Variants in USP5 observed in about 807,000 individuals in gnomAD.
USP5 encodes the protein ubiquitin carboxyl-terminal hydrolase 5.
USP5 carries 24 observed loss-of-function variants against 102.5 expected under a neutral mutation model. That is an observed-to-expected ratio of 0.23 (90% CI 0.17 to 0.33). The LOEUF is 0.33. Among genes scored for constraint, USP5 ranks in the 10% least tolerant of loss-of-function variants. The pLI is 1.00. For synonymous variants in USP5, 460 were observed against 434.8 expected, an observed-to-expected ratio of 1.06 and a Z score of -0.72; for missense variants, 753 against 1,122.1, an observed-to-expected ratio of 0.67 and a Z score of 4.70.
chr12:6,865,640 C>T (rs141573257), intron 19 of USP5, among the ~76,000 whole-genome samples: 5 of 152,280 alleles, frequency 3.3e-5, no homozygotes, highest in East Asian at 1.9e-4. Flanking sequence ...CCTGTTTTCA[C>T]GCTGCGGCAG....
In USP5 at chr12:6,866,050, C is replaced by A; in HGVS notation, c.2550C>A (p.Ile850=). The change falls in exon 20 of 20, where the codon ATC becomes ATA. Residue 850 remains isoleucine (I), a synonymous_variant. Transcript: ENST00000229268. This position sits in a 1 kb window ranked among gnomAD's most constrained non-coding sequence, Gnocchi z 4.7. ...SEKPPKDLGY[I]YFYQRVAS is the part of the protein sequence containing the mutation. ...AGCCGCCCAAGGACCTGGGCTACATCTACTTCTACCAGAGAGTGGCCAGCT... is the reference window on the plus strand; with the variant it reads ...AGCCGCCCAAGGACCTGGGCTACATATACTTCTACCAGAGAGTGGCCAGCT... The A allele has an allele frequency of 6.2e-7, 1 of 1,614,138 alleles. No individual in the cohort carries two copies. Among genetic ancestry groups the A allele is most frequent in the South Asian group, 1.1e-5 (1 of 91,074 alleles).
In USP5 at chr12:6,860,796, G is replaced by A. The variant is rs868912857; in HGVS notation, c.1345-157G>A. Among the ~76,000 whole-genome samples, 8 of 152,220 alleles carry A rather than the reference G, an allele frequency of 5.3e-5. No individual in the cohort carries two copies. The highest frequency in any genetic ancestry group is 9.6e-5 in the African/African-American group (4 of 41,456). Reference sequence around the variant, plus strand: ...GTGCAGGGATGGGGCCAGAAATGGGGAGGGGTTGGTGAATTAGGGAAGGTT... The same window carrying A: ...GTGCAGGGATGGGGCCAGAAATGGGAAGGGGTTGGTGAATTAGGGAAGGTT... On this transcript the variant is annotated intron_variant, in intron 11 of 19. Transcript: ENST00000229268. The surrounding 1 kb of genome is among the most constrained non-coding windows in gnomAD (Gnocchi z 5.5).
chr12:6,863,424 G>A lies in USP5; in HGVS notation c.1954+47G>A. The A allele has an allele frequency of 1.3e-6, 2 of 1,573,680 alleles. No individual in the cohort carries two copies. Among genetic ancestry groups the A allele is most frequent in the Non-Finnish European group, 8.7e-7 (1 of 1,153,676 alleles). ...CTGTCTCTCTCCCGTGCTGATGGGG[G>A]CCTCTCTGCCTTGCATCCCCTGCCC... is the stretch of plus-strand genomic sequence containing the variant. On this transcript the variant is annotated intron_variant, in intron 15 of 19. Coordinates refer to ENST00000229268, the MANE Select transcript of USP5 (RefSeq NM_001098536.2). This position sits in a 1 kb window ranked among gnomAD's most constrained non-coding sequence, Gnocchi z 4.7.
chr12:6,863,781 A>C lies in USP5; in HGVS notation c.1955-49A>C, dbSNP rs1555130073. ...GGGTCCTGGGGGAGGGAGGAGGAGC[A>C]AACAGTGGCCCAATCAGTCGGTCCG... On this transcript the variant is annotated intron_variant, in intron 15 of 19. Transcript: ENST00000229268. This position sits in a 1 kb window ranked among gnomAD's most constrained non-coding sequence, Gnocchi z 4.7. The C allele has an allele frequency of 1.3e-6, 2 of 1,516,668 alleles. No individual in the cohort carries two copies. Among genetic ancestry groups the C allele is most frequent in the Non-Finnish European group, 8.9e-7 (1 of 1,129,602 alleles). The allele number at this position is 1,516,668 out of a possible 1,614,324, so 94.0% of individuals were successfully genotyped here.
intron 7 of USP5, 143 bp downstream of exon 7, chr12:6,857,866 A>G (rs1944167073): frequency 1.4e-6 from 1 of 721,810 alleles, no homozygotes; most frequent in Non-Finnish European, 2.3e-6. Flanking sequence ...TTAAATATCT[A>G]AAATCATTTA....
chr12:6,853,114 C>T (rs1555127404), intron 1 of USP5, among the ~76,000 whole-genome samples: 1 of 152,188 alleles, frequency 6.6e-6, no homozygotes, highest in Admixed American at 6.5e-5. Context: ...GCAGTTCTGC[C>T]TTCCCTATGT....
At position 6,864,280 on chromosome 12, in the gene USP5, A is replaced by G. The variant is rs1400393293; in HGVS notation, c.2244+85A>G. ...GGGCCATCCTTCTTGAGCAAGACCA[A>G]AGACAACAGGTGTGGTCTGGCCGAG... On this transcript the variant is annotated intron_variant, in intron 17 of 19. Transcript: ENST00000229268. The surrounding 1 kb of genome is among the most constrained non-coding windows in gnomAD (Gnocchi z 4.8). The G allele has an allele frequency of 3.4e-6, 5 of 1,486,656 alleles. No individual in the cohort carries two copies. The Admixed American group carries it at 9.3e-5, about 28-fold the overall frequency. 92.1% of individuals were successfully genotyped at this position (1,486,656 alleles called of 1,614,324 possible).
rs73260823 is a variant in USP5, at chr12:6,855,371, G to A, written c.112-30G>A. 19,466 of 1,610,752 alleles carry A rather than the reference G, an allele frequency of 0.012. 1,022 individuals are homozygous for A. The African/African-American group carries it at 0.16, about 13-fold the overall frequency. On this transcript the variant is annotated intron_variant, in intron 1 of 19. Coordinates refer to ENST00000229268, the MANE Select transcript of USP5 (RefSeq NM_001098536.2). This position sits in a 1 kb window ranked among gnomAD's most constrained non-coding sequence, Gnocchi z 4.6. ...CCTGACCAGGCTTCATAACATCCTC[G>A]TGTTTTCACCCTTACCTCTTGTCCC...
At position 6,863,363 on chromosome 12, in the gene USP5, TCTC is replaced by T. The variant is rs1555129985; in HGVS notation, c.1944_1946del (p.Ser649del). On this transcript the variant is annotated inframe_deletion, in exon 15 of 20. Coordinates refer to ENST00000229268, the MANE Select transcript of USP5 (RefSeq NM_001098536.2). The surrounding 1 kb of genome is among the most constrained non-coding windows in gnomAD (Gnocchi z 4.7). ...GAAGACTCCTTCTGCTCCCCTCACTTCTCCTCTCCGACATGTTAGTGACTCTTC... is the reference window on the plus strand; with the variant it reads ...GAAGACTCCTTCTGCTCCCCTCACTTCTCTCCGACATGTTAGTGACTCTTC... The T allele has an allele frequency of 1.2e-6, 2 of 1,613,710 alleles. No individual in the cohort carries two copies. Among genetic ancestry groups the T allele is most frequent in the Non-Finnish European group, 1.7e-6 (2 of 1,179,816 alleles).
At chr12:6,862,980 A>G (rs1224668400) in intron 14 of USP5, among the ~76,000 whole-genome samples, 1 of 152,106 alleles carries the variant, frequency 6.6e-6, no homozygotes, top group Non-Finnish European at 1.5e-5. Flanking sequence ...TAGATTATTT[A>G]TGGTAGATCT....
chr12:6,866,146 G>A lies in USP5; in HGVS notation c.*69G>A. The A allele has an allele frequency of 1.4e-6, 2 of 1,391,258 alleles. No individual in the cohort carries two copies. The highest frequency in any genetic ancestry group is 2.0e-6 in the Non-Finnish European group (2 of 979,666). The allele number at this position is 1,391,258 out of a possible 1,614,324, so 86.2% of individuals were successfully genotyped here. A position where few individuals can be genotyped will look rare whatever the true frequency, so the allele number is the denominator to read the frequency against. On this transcript the variant is annotated 3_prime_UTR_variant, in exon 20 of 20. Transcript: ENST00000229268. The surrounding 1 kb of genome is among the most constrained non-coding windows in gnomAD (Gnocchi z 4.7). ...CTGGCATGAGGGAGAGGGGCTGAGG[G>A]ATGGACTTCAGCCCCTCTGCTCTGT...
chr12:6,856,574 C>T lies in USP5; in HGVS notation c.584+124C>T. On this transcript the variant is annotated intron_variant, in intron 5 of 19. Transcript: ENST00000229268. The surrounding 1 kb of genome is among the most constrained non-coding windows in gnomAD (Gnocchi z 5.6). ...ACAGGAAGGGAAGCTTGGAAATGAA[C>T]ACGACATGGGGATGGCCAGAGGAGA... 6.5e-7 allele frequency: 1 copy of T among 1,539,824 alleles called. No homozygotes were observed. Among genetic ancestry groups the T allele is most frequent in the South Asian group, 1.2e-5 (1 of 80,802 alleles).
Position 6,861,271 on chromosome 12 carries a change from C to G in USP5, c.1498+165C>G, listed in dbSNP as rs554148915. Among the ~76,000 whole-genome samples the G allele has an allele frequency of 6.6e-6, 1 of 152,236 alleles. No homozygotes were observed. The highest frequency in any genetic ancestry group is 1.5e-5 in the Non-Finnish European group (1 of 68,050). ...GTAGATTAACCTCGTCCAGTGGACA[C>G]TCAGCTTGTTAGCAGAGCTGCATGG... On this transcript the variant is annotated intron_variant, in intron 12 of 19. Transcript: ENST00000229268. The surrounding 1 kb of genome is among the most constrained non-coding windows in gnomAD (Gnocchi z 4.9).
chr12:6,860,583 T>TC lies in USP5; in HGVS notation c.1344+95dup. The TC allele has an allele frequency of 6.3e-7, 1 of 1,575,570 alleles. No individual in the cohort carries two copies. The highest frequency in any genetic ancestry group is 1.1e-5 in the South Asian group (1 of 87,380). On this transcript the variant is annotated intron_variant, in intron 11 of 19. Transcript: ENST00000229268. This position sits in a 1 kb window ranked among gnomAD's most constrained non-coding sequence, Gnocchi z 5.5. ...TCTCCCTCTATCAGCCCCAACCCAG[T>TC]CCCATCCCTGAACCCCAACAGTCTG... is the stretch of plus-strand genomic sequence containing the variant.
rs1365927249 is a variant in USP5, at chr12:6,858,516, C to G, written c.957C>G (p.Pro319=). The G allele has an allele frequency of 3.7e-6, 6 of 1,613,918 alleles. No individual in the cohort carries two copies. The highest frequency in any genetic ancestry group is 5.1e-6 in the Non-Finnish European group (6 of 1,179,786). The change falls in exon 8 of 20, where the codon CCC becomes CCG. Residue 319 remains proline (P), a synonymous_variant. Transcript: ENST00000229268. The surrounding 1 kb of genome is among the most constrained non-coding windows in gnomAD (Gnocchi z 4.2). Reference sequence around the variant, plus strand: ...AGGAGTCAGGTGTGCCACTCAAGCCCCTGTTTGGGCCTGGCTACACAGGCA... The same window carrying G: ...AGGAGTCAGGTGTGCCACTCAAGCCGCTGTTTGGGCCTGGCTACACAGGCA... ...LIQESGVPLK[P]LFGPGYTGIR... is the part of the protein sequence containing the mutation.
Position 6,858,429 on chromosome 12 carries a change from CAA to C in USP5, c.871_872del (p.Lys291AspfsTer4). ...AAGTGCCCCTTCTCACACAGACAGA[CAA>C]GACGATGACTGAGTTGGAGATAGAC... ...IDMLKMQKTD[K>X]TMTELEIDMN... On this transcript the variant is annotated frameshift_variant, in exon 8 of 20. Transcript: ENST00000229268. LOFTEE classifies it high-confidence loss of function. The surrounding 1 kb of genome is among the most constrained non-coding windows in gnomAD (Gnocchi z 4.2). 6.2e-7 allele frequency: 1 copy of C among 1,600,882 alleles called. No homozygotes were observed. Among genetic ancestry groups the C allele is most frequent in the Non-Finnish European group, 8.6e-7 (1 of 1,168,664 alleles).
rs202082979 is a variant in USP5, at chr12:6,860,212, G to A, written c.1192G>A (p.Asp398Asn). Residue 398 changes from aspartate to asparagine, a missense_variant, in exon 10 of 20, where the codon GAT becomes AAT. By Grantham distance (23) the Asp-to-Asn change is conservative. Transcript: ENST00000229268. The surrounding 1 kb of genome is among the most constrained non-coding windows in gnomAD (Gnocchi z 5.5). ...TTCCAAGCCAGTACCGGAGTCGGGC[G>A]ATGGGGAGCGGGTGCCAGAACAGAA... ...EYSKPVPESG[D>N]GERVPEQKEV... 4.1e-5 allele frequency: 66 copies of A among 1,608,462 alleles called. No homozygotes were observed. The highest frequency in any genetic ancestry group is 4.0e-4 in the African/African-American group (30 of 74,444).
In USP5 at chr12:6,865,150, C is replaced by G; in HGVS notation, c.2399-14C>G. 6.2e-7 allele frequency: 1 copy of G among 1,606,498 alleles called. No homozygotes were observed. Among genetic ancestry groups the G allele is most frequent in the Admixed American group, 1.7e-5 (1 of 59,962 alleles). On this transcript the variant is annotated splice_polypyrimidine_tract_variant and intron_variant, in intron 18 of 19. Coordinates refer to ENST00000229268, the MANE Select transcript of USP5 (RefSeq NM_001098536.2). The stretch of plus-strand genomic sequence containing the variant: ...CTTCTGTTTCCTTCTCTGACCCCCT[C>G]TCTCCTTTCCTAGAGTATCAGCTCT...
At chr12:6,865,641 G>A (rs1444808648) in intron 19 of USP5, among the ~76,000 whole-genome samples, 2 of 152,172 alleles carry the variant, frequency 1.3e-5, no homozygotes, top group Admixed American at 6.5e-5. Context: ...CTGTTTTCAC[G>A]CTGCGGCAGG....
Sources: allele counts gnomAD v4.1 joint callset (sites outside exome capture counted in the v4.1 genomes callset), GRCh38; gene constraint gnomAD v4.1.1; non-coding constraint Gnocchi (gnomAD v3.1); transcripts MANE v1.5; gene names NCBI Gene and HGNC (gene_info 2026-07-23, HGNC 2026-07-21).